The following GTF3C3 variants were observed in gnomAD, a reference collection of about 807,000 sequenced individuals.
GTF3C3 encodes general transcription factor 3C polypeptide 3.
A neutral mutation model predicts 105.2 loss-of-function variants in GTF3C3; 75 were observed. The observed-to-expected ratio is 0.71, with a 90% CI of 0.59 to 0.86. The LOEUF is 0.86. GTF3C3 is among the 40% of genes least tolerant of loss of function. The pLI, the probability that GTF3C3 is intolerant of heterozygous loss-of-function variation, is 0.00. For missense variants in GTF3C3, 856 were observed against 1,076.5 expected (o/e 0.80, Z 2.87); for synonymous variants, 335 against 370.4 (o/e 0.90, Z 1.10).
intron 2 of GTF3C3, among the ~76,000 whole-genome samples, chr2:196,797,085 T>G (rs1699660114): frequency 6.6e-6 from 1 of 152,230 alleles, no homozygotes; most frequent in Non-Finnish European, 1.5e-5. Flanking sequence ...ACAGTTGTTA[T>G]CAGACCCTAT....
chr2:196,781,357 A>AAAAAAAAAAAAAATATAT, intron 8 of GTF3C3, among the ~76,000 whole-genome samples: 9 of 18,814 alleles, frequency 4.8e-4, no homozygotes, highest in African/African-American at 9.3e-4. Context: ...AAAAAAAAAA[A>AAAAAAAAAAAAAATATAT]ATATATATAT....
intron 2 of GTF3C3, among the ~76,000 whole-genome samples, chr2:196,795,857 G>A (rs1048138340): frequency 2.6e-5 from 4 of 152,156 alleles, no homozygotes; most frequent in African/African-American, 9.7e-5. Context: ...TTAAGTCACA[G>A]ATGACATGAT....
chr2:196,799,640 G>A lies in GTF3C3; in HGVS notation c.-29C>T, dbSNP rs974580010. ...TACAGGGTCTGTCTGTGCAACCCCA[G>A]GAACCGGGACAGAGAACCGGAAGAG... On this transcript the variant is annotated 5_prime_UTR_variant, in exon 1 of 18. Coordinates refer to ENST00000263956, the MANE Select transcript of GTF3C3 (RefSeq NM_012086.5). The A allele has an allele frequency of 2.0e-6, 3 of 1,514,910 alleles. No individual in the cohort carries two copies. The highest frequency in any genetic ancestry group is 1.8e-6 in the Non-Finnish European group (2 of 1,090,374). 93.8% of individuals were successfully genotyped at this position (1,514,910 alleles called of 1,614,324 possible). A position where few individuals can be genotyped will look rare whatever the true frequency, so the allele number is the denominator to read the frequency against.
At chr2:196,791,976 A>G (rs1300403781) in intron 3 of GTF3C3, 2 of 152,034 alleles carry the variant, frequency 1.3e-5, no homozygotes, top group Non-Finnish European at 2.9e-5. Context: ...ATTGCAGGAA[A>G]AAAAAAAAGT....
chr2:196,781,356 AAATAT>A (rs1456424755), intron 8 of GTF3C3, among the ~76,000 whole-genome samples: 12 of 54,490 alleles, frequency 2.2e-4, no homozygotes, highest in East Asian at 6.6e-4. Context: ...AAAAAAAAAA[AAATAT>A]ATATATATAT....
chr2:196,789,276 T>A lies in GTF3C3; in HGVS notation c.821A>T (p.Tyr274Phe). The A allele has an allele frequency of 6.2e-7, 1 of 1,613,606 alleles. No individual in the cohort carries two copies. Among genetic ancestry groups the A allele is most frequent in the Non-Finnish European group, 8.5e-7 (1 of 1,179,658 alleles). ...MGDHKMAMDG[Y>F]RRILNLLSPS... ...AGACAAAAGGTTTAAAATACGCCTA[T>A]AACCATCCATGGCCATTTTATGATC... The change falls in exon 6 of 18, where the codon TAT (tyrosine) becomes TTT (phenylalanine). Residue 274 changes from tyrosine (Y) to phenylalanine (F), a missense_variant. Transcript: ENST00000263956.
intron 16 of GTF3C3, 109 bp downstream of exon 16, chr2:196,769,806 A>G: frequency 1.2e-6 from 1 of 848,682 alleles, no homozygotes; most frequent in Admixed American, 2.3e-5. Flanking sequence ...CGTCATGTGT[A>G]CTGAGAGCAT....
intron 9 of GTF3C3, among the ~76,000 whole-genome samples, chr2:196,779,771 CT>C (rs1699315743): frequency 6.6e-6 from 1 of 152,084 alleles, no homozygotes. Context: ...TCTCTACCTC[CT>C]GGGCTCAAGC....
At chr2:196,764,982 T>G (rs573538745) in intron 17 of GTF3C3, among the ~76,000 whole-genome samples, 2 of 152,202 alleles carry the variant, frequency 1.3e-5, no homozygotes, top group Non-Finnish European at 2.9e-5. Context: ...AAAAATACAA[T>G]GGGATAATAT....
Position 196,789,907 on chromosome 2 carries a change from A to C in GTF3C3, c.699T>G (p.Ile233Met). 1 of 1,599,006 alleles carries C rather than the reference A, an allele frequency of 6.3e-7. No homozygotes were observed. The highest frequency in any genetic ancestry group is 8.5e-7 in the Non-Finnish European group (1 of 1,175,564). ...TTGTATAGCAAAAAATAGCCTGCTT[A>C]ATATTGTCTTGTTCCAGAGACATTT... ...LAEMSLEQDN[I>M]KQAIFCYTKA... The change falls in exon 5 of 18, where the codon ATT becomes ATG. Residue 233 changes from isoleucine to methionine, a missense_variant. Around this residue, in one of 3 missense-constraint regions of GTF3C3, gnomAD observed 605 missense variants for 833.6 expected, o/e 0.73. Coordinates refer to ENST00000263956, the MANE Select transcript of GTF3C3 (RefSeq NM_012086.5).
chr2:196,784,878 C>A lies in GTF3C3; in HGVS notation c.1093G>T (p.Gly365Cys). 1 of 1,611,272 alleles carries A rather than the reference C, an allele frequency of 6.2e-7. No individual in the cohort carries two copies. The highest frequency in any genetic ancestry group is 8.5e-7 in the Non-Finnish European group (1 of 1,178,398). The change falls in exon 8 of 18, where the codon GGC becomes TGC. Residue 365 changes from glycine to cysteine, a missense_variant. Physicochemically the swap from Gly to Cys is radical, Grantham distance 159. Coordinates refer to ENST00000263956, the MANE Select transcript of GTF3C3 (RefSeq NM_012086.5). The part of the protein sequence containing the change: ...IVLEKKTSEE[G>C]TSEENKAPEN... The stretch of plus-strand genomic sequence containing the variant: ...CAACCTTTATTCTCTTCTGAGGTGC[C>A]TTCTTCTGAAGTTTTTTTTTCCAGC...
intron 16 of GTF3C3, among the ~76,000 whole-genome samples, chr2:196,767,931 T>C (rs1333399605): frequency 6.6e-6 from 1 of 152,236 alleles, no homozygotes; most frequent in Non-Finnish European, 1.5e-5. Context: ...AAATAATATT[T>C]AGTGATTTAA....
chr2:196,764,806 C>CT, intron 17 of GTF3C3, 121 bp from the exon 18 acceptor site: 2 of 750,054 alleles, frequency 2.7e-6, no homozygotes, highest in Admixed American at 2.6e-5. Flanking sequence ...AGCTCATGTA[C>CT]TAAAAAAAAA....
At chr2:196,784,082 G>A (rs1456947570) in intron 8 of GTF3C3, among the ~76,000 whole-genome samples, 1 of 152,108 alleles carries the variant, frequency 6.6e-6, no homozygotes, top group Non-Finnish European at 1.5e-5. Context: ...TTTGAATAAT[G>A]ATGCCTTAGC....
chr2:196,789,802 G>A, intron 5 of GTF3C3, 77 bp downstream of exon 5: 1 of 891,562 alleles, frequency 1.1e-6, no homozygotes, highest in South Asian at 1.9e-5. Context: ...TCACACCCCA[G>A]AATAGCAAAT....
At position 196,786,230 on chromosome 2, in the gene GTF3C3, C is replaced by T. The variant is rs188418704; in HGVS notation, c.894-642G>A. On this transcript the variant is annotated intron_variant, in intron 6 of 17. Coordinates refer to ENST00000263956, the MANE Select transcript of GTF3C3 (RefSeq NM_012086.5). This position sits in a 1 kb window ranked among gnomAD's most constrained non-coding sequence, Gnocchi z 4.2. ...GGACCAACTGGCTATCTTGTAAAAA[C>T]GCATATTCGGATCCAGTAGAGCTGG... Among the ~76,000 whole-genome samples the T allele has an allele frequency of 3.9e-5, 6 of 152,252 alleles. No individual in the cohort carries two copies. The highest frequency in any genetic ancestry group is 7.4e-5 in the Non-Finnish European group (5 of 68,022).
At chr2:196,779,122 A>T in intron 9 of GTF3C3, 55 bp from the exon 10 acceptor site, 1 of 1,325,350 alleles carries the variant, frequency 7.5e-7, no homozygotes, top group Non-Finnish European at 1.1e-6. Context: ...GTGCACATCT[A>T]TCTATAGCTT....
intron 6 of GTF3C3, among the ~76,000 whole-genome samples, chr2:196,788,096 T>C (rs1185617532): frequency 6.6e-6 from 1 of 152,174 alleles, no homozygotes; most frequent in African/African-American, 2.4e-5. Context: ...TAACAGCAAA[T>C]AACCTGGGAA....
Position 196,786,343 on chromosome 2 carries a change from T to C in GTF3C3, c.894-755A>G, listed in dbSNP as rs1699452194. On this transcript the variant is annotated intron_variant, in intron 6 of 17. Coordinates refer to ENST00000263956, the MANE Select transcript of GTF3C3 (RefSeq NM_012086.5). The surrounding 1 kb of genome is among the most constrained non-coding windows in gnomAD (Gnocchi z 4.2). ...GGGGCAGTAATGTCCTAGACAACTA[T>C]TGACATCTCTCTCTTTTCAAACCTC... Among the ~76,000 whole-genome samples the C allele has an allele frequency of 6.6e-6, 1 of 152,158 alleles. No homozygotes were observed. Among genetic ancestry groups the C allele is most frequent in the South Asian group, 2.1e-4 (1 of 4,828 alleles).
Sources: allele counts gnomAD v4.1 joint callset (sites outside exome capture counted in the v4.1 genomes callset), GRCh38; gene constraint gnomAD v4.1.1; regional missense constraint gnomAD v4.1.1; non-coding constraint Gnocchi (gnomAD v3.1); transcripts MANE v1.5; gene names NCBI Gene and HGNC (gene_info 2026-07-23, HGNC 2026-07-21).